The following PALM variants were observed in gnomAD, a reference collection of about 807,000 sequenced individuals.
PALM encodes the protein paralemmin.
A neutral mutation model predicts 30.7 loss-of-function variants in PALM; 18 were observed. That is an observed-to-expected ratio of 0.59 (90% CI 0.41 to 0.87). PALM has a LOEUF of 0.87. PALM is among the 40% of genes least tolerant of loss of function. The probability of loss-of-function intolerance (pLI) is 0.00; values close to 1 mark genes in which losing one functional copy is unlikely to be tolerated. For missense variants in PALM, 529 were observed against 555.4 expected (o/e 0.95, Z 0.48); for synonymous variants, 286 against 242.8 (o/e 1.18, Z -1.66).
chr19:726,891 C>T (rs2032680790), intron 2 of PALM, 117 bp from the exon 3 acceptor site: 2 of 669,078 alleles, frequency 3.0e-6, no homozygotes, highest in East Asian at 2.7e-5. Flanking sequence ...AGCCAGTGGG[C>T]CACGAGGATC....
In PALM at chr19:742,478, G is replaced by A. The variant is rs1040397815; in HGVS notation, c.634+1995G>A. Among the ~76,000 whole-genome samples the A allele has an allele frequency of 1.3e-5, 2 of 152,026 alleles. No individual in the cohort carries two copies. Among genetic ancestry groups the A allele is most frequent in the Non-Finnish European group, 2.9e-5 (2 of 68,018 alleles). Reference sequence around the variant, plus strand: ...AAATTAGCTGGACGTGGTGGCGGACGCCTGTAATCCCAGATACTTTGGAGG... The same window carrying A: ...AAATTAGCTGGACGTGGTGGCGGACACCTGTAATCCCAGATACTTTGGAGG... On this transcript the variant is annotated intron_variant, in intron 8 of 8. Coordinates refer to ENST00000338448, the MANE Select transcript of PALM (RefSeq NM_002579.3). This position sits in a 1 kb window ranked among gnomAD's most constrained non-coding sequence, Gnocchi z 5.5.
intron 1 of PALM, among the ~76,000 whole-genome samples, chr19:720,313 C>G (rs945739385): frequency 4.0e-5 from 6 of 150,982 alleles, no homozygotes; most frequent in Non-Finnish European, 8.9e-5. Context: ...GCGCCCGGGT[C>G]TGGGGAGGGG....
intron 4 of PALM, among the ~76,000 whole-genome samples, chr19:728,370 G>A (rs891790795): frequency 1.9e-4 from 29 of 152,336 alleles, no homozygotes; most frequent in South Asian, 1.2e-3. Flanking sequence ...GAGGCCGGCC[G>A]GATCACACGG....
At chr19:715,519 G>A (rs2032228606) in intron 1 of PALM, among the ~76,000 whole-genome samples, 1 of 152,208 alleles carries the variant, frequency 6.6e-6, no homozygotes, top group African/African-American at 2.4e-5. Context: ...GGTTCATCCA[G>A]GCAGGCAGAA....
At chr19:741,786 AC>A (rs528546840) in intron 8 of PALM, among the ~76,000 whole-genome samples, 231 of 151,888 alleles carry the variant, frequency 1.5e-3, no homozygotes, top group African/African-American at 5.5e-3. Flanking sequence ...GATGCCAGGG[AC>A]CCCAGGAGGA....
chr19:742,485 A>G lies in PALM; in HGVS notation c.634+2002A>G, dbSNP rs1029465828. ...CTGGACGTGGTGGCGGACGCCTGTA[A>G]TCCCAGATACTTTGGAGGCTGAAGC... On this transcript the variant is annotated intron_variant, in intron 8 of 8. Coordinates refer to ENST00000338448, the MANE Select transcript of PALM (RefSeq NM_002579.3). This position sits in a 1 kb window ranked among gnomAD's most constrained non-coding sequence, Gnocchi z 5.5. Among the ~76,000 whole-genome samples the G allele has an allele frequency of 5.9e-5, 9 of 152,044 alleles. No individual in the cohort carries two copies. The highest frequency in any genetic ancestry group is 1.9e-4 in the African/African-American group (8 of 41,400).
intron 1 of PALM, among the ~76,000 whole-genome samples, chr19:713,645 C>G (rs1221449401): frequency 6.6e-6 from 1 of 152,108 alleles, no homozygotes; most frequent in Non-Finnish European, 1.5e-5. Flanking sequence ...GCGGTGTGAT[C>G]TCGGCTTATA....
intron 8 of PALM, among the ~76,000 whole-genome samples, chr19:744,911 G>GGCTCACGT (rs2033295249): frequency 6.7e-6 from 1 of 149,370 alleles, no homozygotes; most frequent in Non-Finnish European, 1.5e-5. Flanking sequence ...CAGGCACGGT[G>GGCTCACGT]GCTCACGTGT....
At chr19:738,228 T>C (rs1401239942) in intron 7 of PALM, among the ~76,000 whole-genome samples, 2 of 151,666 alleles carry the variant, frequency 1.3e-5, no homozygotes, top group African/African-American at 4.8e-5. Flanking sequence ...CCGTCTCTAC[T>C]AAAAAATAGA....
intron 5 of PALM, among the ~76,000 whole-genome samples, chr19:732,134 G>A (rs1461260364): frequency 6.6e-6 from 1 of 152,024 alleles, no homozygotes; most frequent in Non-Finnish European, 1.5e-5. Context: ...GCACCACCAC[G>A]CCCGGCTAAT....
intron 1 of PALM, among the ~76,000 whole-genome samples, chr19:723,601 G>GTT (rs1357256315): frequency 6.6e-6 from 1 of 151,308 alleles, no homozygotes; most frequent in Non-Finnish European, 1.5e-5. Context: ...GTTTTGTTTT[G>GTT]TTTTGTTTTT....
At chr19:731,732 A>G (rs919310145) in intron 5 of PALM, among the ~76,000 whole-genome samples, 40 of 151,944 alleles carry the variant, frequency 2.6e-4, no homozygotes, top group African/African-American at 9.4e-4. Context: ...GTAGTGGTAC[A>G]GTCTGCAACC....
chr19:723,376 C>A (rs1342797790), intron 1 of PALM, among the ~76,000 whole-genome samples: 1 of 152,014 alleles, frequency 6.6e-6, no homozygotes, highest in Non-Finnish European at 1.5e-5. Context: ...AACCTGTCTC[C>A]CACCCCTCAC....
At chr19:710,318 CCAGA>C (rs2032029889) in intron 1 of PALM, among the ~76,000 whole-genome samples, 2 of 152,214 alleles carry the variant, frequency 1.3e-5, no homozygotes, top group Admixed American at 6.5e-5. Flanking sequence ...TTTTGAAAAC[CCAGA>C]CAAAGGCCTG....
Position 746,745 on chromosome 19 carries a change from G to T in PALM, c.1095G>T (p.Glu365Asp), listed in dbSNP as rs866808189. 4.4e-6 allele frequency: 7 copies of T among 1,600,140 alleles called. No individual in the cohort carries two copies. In the East Asian group the frequency reaches 1.1e-4, roughly 26 times the overall value. Residue 365 changes from glutamate to aspartate, a missense_variant, in exon 9 of 9, where the codon GAG becomes GAT. Physicochemically the swap from Glu to Asp is conservative, Grantham distance 45. Transcript: ENST00000338448. This position sits in a 1 kb window ranked among gnomAD's most constrained non-coding sequence, Gnocchi z 7.1. ...GGGAAGAGAATCAGGCGGGGCCCGA[G>T]GCCACCACCAGCGACCCCCAGGACC... is the stretch of plus-strand genomic sequence containing the variant. The part of the protein sequence containing the change: ...ASREENQAGP[E>D]ATTSDPQDLD...
intron 7 of PALM, 75 bp downstream of exon 7, chr19:736,153 T>TGGGGGGGGGG: frequency 3.0e-6 from 2 of 659,328 alleles, no homozygotes; most frequent in Non-Finnish European, 5.1e-6. Flanking sequence ...GGGGGCCGGG[T>TGGGGGGGGGG]GGGGCGGGGG....
At chr19:730,926 G>C (rs367741228) in intron 4 of PALM, among the ~76,000 whole-genome samples, 169 bp from the exon 5 acceptor site, 1 of 152,058 alleles carries the variant, frequency 6.6e-6, no homozygotes, top group Non-Finnish European at 1.5e-5. Context: ...ACTTGAACCC[G>C]GGAGGTGGAG....
intron 7 of PALM, among the ~76,000 whole-genome samples, chr19:737,283 G>A (rs1299607612): frequency 1.3e-5 from 2 of 152,194 alleles, no homozygotes; most frequent in East Asian, 1.9e-4. Flanking sequence ...CAGGTCCCCC[G>A]CTGATCCCCG....
chr19:727,700 G>T lies in PALM; in HGVS notation c.269+6G>T. On this transcript the variant is annotated splice_donor_region_variant and intron_variant, in intron 4 of 8. Coordinates refer to ENST00000338448, the MANE Select transcript of PALM (RefSeq NM_002579.3). ...CTGGAGGACTCGGTGTCCAGGTGGG[G>T]GCTGCAGCGTGGGTGCCACCGGGCT... 3.9e-6 allele frequency: 6 copies of T among 1,548,222 alleles called. No homozygotes were observed. Among genetic ancestry groups the T allele is most frequent in the Non-Finnish European group, 5.2e-6 (6 of 1,145,138 alleles).
Sources: gnomAD v4.1 joint callset for allele counts (sites outside exome capture counted in the v4.1 genomes callset) on GRCh38, gnomAD v4.1.1 for gene constraint, Gnocchi (gnomAD v3.1) non-coding constraint, MANE v1.5 for transcripts, NCBI Gene and HGNC (gene_info 2026-07-23, HGNC 2026-07-21) for gene names.